Variants in PCSK2 observed in about 807,000 individuals in gnomAD.
The protein encoded by PCSK2 is proprotein convertase subtilisin/kexin type 2, also known as neuroendocrine convertase 2.
A neutral mutation model predicts 69.7 loss-of-function variants in PCSK2; 14 were observed. The ratio of observed to expected loss-of-function variants is 0.20; its 90% CI spans 0.13 to 0.31. PCSK2 has a LOEUF of 0.31. PCSK2 is among the 10% of genes least tolerant of loss of function. PCSK2 has a pLI of 1.00. For missense variants in PCSK2, 544 were observed against 842.5 expected, an observed-to-expected ratio of 0.65 and a Z score of 4.39; for synonymous variants, 307 against 320.7, an observed-to-expected ratio of 0.96 and a Z score of 0.46.
intron 1 of PCSK2, among the ~76,000 whole-genome samples, chr20:17,236,418 CTTAT>C (rs1178660878): frequency 6.6e-6 from 1 of 152,006 alleles, no homozygotes; most frequent in Non-Finnish European, 1.5e-5. Flanking sequence ...TACATGTTTA[CTTAT>C]TTAATTACAT....
chr20:17,481,416 A>AGAGG, intron 11 of PCSK2, among the ~76,000 whole-genome samples, 168 bp from the exon 12 acceptor site: 1 of 125,832 alleles, frequency 7.9e-6, no homozygotes, highest in African/African-American at 3.0e-5. Context: ...AAAAAAAAAG[A>AGAGG]GATAAGTAAC....
chr20:17,329,653 T>A (rs1990160968), intron 2 of PCSK2, among the ~76,000 whole-genome samples: 1 of 152,204 alleles, frequency 6.6e-6, no homozygotes, highest in African/African-American at 2.4e-5. Context: ...ATTGACAAAT[T>A]ACATATGCAG....
intron 8 of PCSK2, among the ~76,000 whole-genome samples, chr20:17,450,250 G>A (rs540431663): frequency 8.6e-5 from 13 of 151,314 alleles, no homozygotes; most frequent in Admixed American, 1.3e-4. Flanking sequence ...GGATGGTCTC[G>A]ATCTCCTGAC....
At chr20:17,403,538 T>C (rs752975331) in intron 5 of PCSK2, among the ~76,000 whole-genome samples, 2 of 152,244 alleles carry the variant, frequency 1.3e-5, no homozygotes, top group Non-Finnish European at 2.9e-5. Flanking sequence ...TGGGGCAATA[T>C]GGTTGCAGTT....
chr20:17,367,594 T>C (rs1042319747), intron 4 of PCSK2, among the ~76,000 whole-genome samples: 2 of 152,224 alleles, frequency 1.3e-5, no homozygotes, highest in Non-Finnish European at 2.9e-5. Context: ...CTTGGTTTGC[T>C]TTTGGGGATT....
At position 17,453,718 on chromosome 20, in the gene PCSK2, C is replaced by G. The variant is rs2032869184; in HGVS notation, c.886-24C>G. The G allele has an allele frequency of 6.2e-7, 1 of 1,609,436 alleles. No individual in the cohort carries two copies. The highest frequency in any genetic ancestry group is 1.7e-5 in the Admixed American group (1 of 59,968). ...TCGCAGCCCAGGCTGTGGGTAGCGG[C>G]AGCGTCTCCCCTGCTCTCCCCAGGG... On this transcript the variant is annotated intron_variant, in intron 8 of 11. Coordinates refer to ENST00000262545, the MANE Select transcript of PCSK2 (RefSeq NM_002594.5). The surrounding 1 kb of genome is among the most constrained non-coding windows in gnomAD (Gnocchi z 4.0).
intron 9 of PCSK2, 37 bp from the exon 10 acceptor site, chr20:17,456,311 G>A: frequency 8.8e-7 from 1 of 1,137,540 alleles, no homozygotes; most frequent in South Asian, 1.2e-5. Flanking sequence ...AAAATAGCGT[G>A]ATTTATCCAC....
chr20:17,361,598 A>G (rs2030398994), intron 4 of PCSK2, among the ~76,000 whole-genome samples: 1 of 152,220 alleles, frequency 6.6e-6, no homozygotes, highest in Non-Finnish European at 1.5e-5. Flanking sequence ...CCATCCGAAG[A>G]TCCTCAAAGA....
At chr20:17,419,791 T>C (rs2032083153) in intron 6 of PCSK2, among the ~76,000 whole-genome samples, 1 of 152,210 alleles carries the variant, frequency 6.6e-6, no homozygotes. Context: ...TACTGTGCTG[T>C]TGTCCATAAA....
chr20:17,398,758 GT>G (rs368307941), intron 5 of PCSK2, among the ~76,000 whole-genome samples: 1,474 of 143,880 alleles, frequency 0.01, 16 homozygotes, highest in South Asian at 0.052. Flanking sequence ...TTGGAGGTTT[GT>G]TTTTTTTTTT....
At chr20:17,479,121 G>A in intron 11 of PCSK2, 1 of 1,351,932 alleles carries the variant, frequency 7.4e-7, no homozygotes, top group Non-Finnish European at 1.1e-6. Context: ...TGACAATACA[G>A]TTCATGGTCC....
At chr20:17,254,554 A>G (rs1028007827) in intron 1 of PCSK2, among the ~76,000 whole-genome samples, 3 of 152,184 alleles carry the variant, frequency 2.0e-5, no homozygotes, top group African/African-American at 7.2e-5. Flanking sequence ...ATTCCATTAA[A>G]CTACTATATG....
intron 11 of PCSK2, among the ~76,000 whole-genome samples, chr20:17,471,106 C>T (rs992458528): frequency 2.6e-5 from 4 of 152,012 alleles, no homozygotes; most frequent in Non-Finnish European, 5.9e-5. Flanking sequence ...TGAGAGAGGG[C>T]AGGAGGGGAG....
intron 6 of PCSK2, among the ~76,000 whole-genome samples, chr20:17,411,701 A>G (rs1260246351): frequency 6.6e-6 from 1 of 152,270 alleles, no homozygotes; most frequent in African/African-American, 2.4e-5. Flanking sequence ...GAGAATGGAC[A>G]GACTGCCTCC....
intron 7 of PCSK2, among the ~76,000 whole-genome samples, chr20:17,431,550 C>G (rs1254270581): frequency 6.6e-6 from 1 of 152,166 alleles, no homozygotes; most frequent in Admixed American, 6.5e-5. Flanking sequence ...AAACCAAGAA[C>G]AGACATCCAA....
chr20:17,300,503 C>A (rs1989044129), intron 2 of PCSK2, among the ~76,000 whole-genome samples: 1 of 152,170 alleles, frequency 6.6e-6, no homozygotes, highest in South Asian at 2.1e-4. Flanking sequence ...TGATTTACAG[C>A]CCAAGTATAG....
chr20:17,282,743 A>G (rs1413293472), intron 2 of PCSK2, among the ~76,000 whole-genome samples: 6 of 151,788 alleles, frequency 4.0e-5, no homozygotes, highest in Non-Finnish European at 7.4e-5. Flanking sequence ...AAGGGCACAC[A>G]CGCTGTGAAA....
At chr20:17,254,945 A>G (rs2092375) in intron 1 of PCSK2, among the ~76,000 whole-genome samples, 76,744 of 151,994 alleles carry the variant, frequency 0.5, 19,538 homozygotes, top group East Asian at 0.66. Context: ...AAATTGACTT[A>G]TATTCTTAAC....
intron 1 of PCSK2, among the ~76,000 whole-genome samples, chr20:17,248,731 C>A (rs1185926862): frequency 3.9e-5 from 6 of 152,148 alleles, no homozygotes; most frequent in Non-Finnish European, 8.8e-5. Flanking sequence ...CCCAAAGAAT[C>A]CAGACTCAAG....
Sources: allele counts gnomAD v4.1 joint callset (sites outside exome capture counted in the v4.1 genomes callset), GRCh38; gene constraint gnomAD v4.1.1; non-coding constraint Gnocchi (gnomAD v3.1); transcripts MANE v1.5; gene names NCBI Gene and HGNC (gene_info 2026-07-23, HGNC 2026-07-21).